Variants in NGLY1 observed in about 807,000 individuals in gnomAD.
NGLY1 encodes N-glycanase 1.
In NGLY1, 68 loss-of-function variants were observed where a neutral mutation model predicts 84.6. The observed-to-expected ratio is 0.80, with a 90% confidence interval of 0.66 to 0.98. NGLY1 has a LOEUF of 0.98. Among genes scored for constraint, NGLY1 ranks in the 50% least tolerant of loss-of-function variants. NGLY1 has a pLI of 0.00. For synonymous variants in NGLY1, 280 were observed against 275.2 expected (o/e 1.02, Z -0.17); for missense variants, 779 against 770.2 (o/e 1.01, Z -0.14).
rs145362063 is a variant in NGLY1 at position 25,789,998 on chromosome 3, C to T, written c.-133G>A. The T allele has an allele frequency of 2.9e-3, 3,341 of 1,146,200 alleles. 13 individuals carry two copies. The highest frequency in any genetic ancestry group is 0.016 in the Middle Eastern group (64 of 3,900). The allele number at this position is 1,146,200 out of a possible 1,614,324, so 71.0% of individuals were successfully genotyped here. On this transcript the variant is annotated 5_prime_UTR_variant, in exon 1 of 12. Coordinates refer to the NGLY1 transcript ENST00000417874. ...CCAAGGTGACGCGGCTTAAAGTCAACCGGCGGAAAGAGAGTCGAACGGGAC... is the reference window on the plus strand; with the variant it reads ...CCAAGGTGACGCGGCTTAAAGTCAATCGGCGGAAAGAGAGTCGAACGGGAC...
upstream of NGLY1, among the ~76,000 whole-genome samples, chr3:25,784,726 T>G (rs1158728353): frequency 6.6e-6 from 1 of 152,236 alleles, no homozygotes; most frequent in African/African-American, 2.4e-5. Context: ...TCCAGTTCAA[T>G]GACTATTCGT....
chr3:25,737,342 T>C lies in NGLY1; in HGVS notation c.995A>G (p.Asp332Gly), dbSNP rs1452611811. Residue 332 changes from aspartate (D) to glycine (G), a missense_variant, in exon 6 of 12, where the codon GAT becomes GGT. Transcript: ENST00000280700. ...AVGFEARYVW[D>G]YTDHVWTEVY... is the part of the protein sequence containing the mutation. ...CATTCCACATTCTGTACCTGTGTAA[T>C]CCCAAACATAGCGAGCTTCAAACCC... The C allele has an allele frequency of 2.5e-6, 4 of 1,611,408 alleles. No individual in the cohort carries two copies. The highest frequency in any genetic ancestry group is 3.4e-6 in the Non-Finnish European group (4 of 1,179,278).
intron 3 of NGLY1, among the ~76,000 whole-genome samples, chr3:25,763,846 T>C (rs1707428660): frequency 1.3e-5 from 2 of 152,158 alleles, no homozygotes; most frequent in African/African-American, 2.4e-5. Flanking sequence ...ACCCCCACAG[T>C]GAAAGGCAGC....
chr3:25,758,678 C>T (rs191308569), intron 3 of NGLY1, among the ~76,000 whole-genome samples: 1 of 152,222 alleles, frequency 6.6e-6, no homozygotes, highest in Admixed American at 6.5e-5. Flanking sequence ...CGTAGTAGTA[C>T]ATGTATATAA....
chr3:25,751,359 G>A, intron 3 of NGLY1, 96 bp from the exon 4 acceptor site: 3 of 1,038,472 alleles, frequency 2.9e-6, no homozygotes, highest in Non-Finnish European at 3.9e-6. Context: ...TTTACAGATA[G>A]AAGGGAATGT....
At chr3:25,779,540 G>C (rs1708315170) in intron 1 of NGLY1, among the ~76,000 whole-genome samples, 1 of 152,120 alleles carries the variant, frequency 6.6e-6, no homozygotes, top group Admixed American at 6.5e-5. Flanking sequence ...CTATGTTAAG[G>C]AGGATTCTGA....
chr3:25,753,990 T>C (rs1479854976), intron 3 of NGLY1, among the ~76,000 whole-genome samples: 3 of 152,156 alleles, frequency 2.0e-5, no homozygotes, highest in Non-Finnish European at 4.4e-5. Context: ...GAAAAGGTAT[T>C]CAACAAATAA....
At chr3:25,742,348 G>A (rs1005823982) in intron 4 of NGLY1, among the ~76,000 whole-genome samples, 1 of 152,142 alleles carries the variant, frequency 6.6e-6, no homozygotes, top group African/African-American at 2.4e-5. Flanking sequence ...ATAAATAATA[G>A]TGTATGTACA....
At chr3:25,742,841 T>C (rs368638294) in intron 4 of NGLY1, among the ~76,000 whole-genome samples, 4 of 132,452 alleles carry the variant, frequency 3.0e-5, no homozygotes, top group African/African-American at 1.2e-4. Flanking sequence ...AGGATATCCA[T>C]GTCCTAATCA....
chr3:25,731,117 G>T (rs1007604182), intron 9 of NGLY1, among the ~76,000 whole-genome samples: 1 of 151,934 alleles, frequency 6.6e-6, no homozygotes, highest in African/African-American at 2.4e-5. Flanking sequence ...TAATATAACA[G>T]TAATCATGCC....
chr3:25,783,003 C>T lies in NGLY1; in HGVS notation c.131+257G>A. 2.3e-6 allele frequency: 1 copy of T among 430,060 alleles called. No individual in the cohort carries two copies. Among genetic ancestry groups the T allele is most frequent in the South Asian group, 2.8e-5 (1 of 35,580 alleles). 26.6% of individuals were successfully genotyped at this position (430,060 alleles called of 1,614,324 possible). On this transcript the variant is annotated intron_variant, in intron 1 of 11. Coordinates refer to ENST00000280700, the MANE Select transcript of NGLY1 (RefSeq NM_018297.4). This position sits in a 1 kb window ranked among gnomAD's most constrained non-coding sequence, Gnocchi z 4.5. ...CCCCGCTTCCGGGACTCCAGTTCAC[C>T]CGCAGCACCCTGACTGCAGGTGCCA...
At chr3:25,724,977 C>A (rs950528842) in intron 10 of NGLY1, among the ~76,000 whole-genome samples, 1 of 152,170 alleles carries the variant, frequency 6.6e-6, no homozygotes, top group African/African-American at 2.4e-5. Context: ...ACTCTAATCT[C>A]CCCACAACTT....
intron 4 of NGLY1, among the ~76,000 whole-genome samples, chr3:25,748,899 G>GGTA (rs762326347): frequency 1.3e-5 from 2 of 150,144 alleles, no homozygotes; most frequent in African/African-American, 2.5e-5. Context: ...TGCGTATTCA[G>GGTA]GTAAAAAAAA....
rs192836682 is a variant in NGLY1, at chr3:25,733,161, C to G, written c.1261-678G>C. 4.2e-3 allele frequency among the ~76,000 whole-genome samples: 643 copies of G among 152,208 alleles called. 4 individuals are homozygous for G. Among genetic ancestry groups the G allele is most frequent in the African/African-American group, 0.014 (598 of 41,536 alleles). ...ATAATCCAGGTTTTCAGGTAGAGAT[C>G]TCCGAAGGGCTACACATCAGGAGTA... On this transcript the variant is annotated intron_variant, in intron 8 of 11. Transcript: ENST00000280700.
At chr3:25,733,164 C>T (rs999818062) in intron 8 of NGLY1, among the ~76,000 whole-genome samples, 4 of 151,980 alleles carry the variant, frequency 2.6e-5, no homozygotes, top group South Asian at 2.1e-4. Flanking sequence ...TAGAGATCTC[C>T]GAAGGGCTAC....
intron 7 of NGLY1, 74 bp downstream of exon 7, chr3:25,735,930 C>G: frequency 7.9e-7 from 1 of 1,266,440 alleles, no homozygotes; most frequent in Non-Finnish European, 1.1e-6. Flanking sequence ...GTTAATTATA[C>G]ATTCATGAAG....
chr3:25,719,840 A>G lies in NGLY1; in HGVS notation c.1789+174T>C, dbSNP rs78168695. On this transcript the variant is annotated intron_variant, in intron 11 of 11. Coordinates refer to ENST00000280700, the MANE Select transcript of NGLY1 (RefSeq NM_018297.4). ...GCATTTGTATTTCACAACAGAAAAC[A>G]TCAGCCTTTCTGTTACAATGGGATC... Among the ~76,000 whole-genome samples the G allele has an allele frequency of 4.1e-3, 630 of 152,076 alleles. 4 individuals are homozygous for G. The highest frequency in any genetic ancestry group is 0.015 in the African/African-American group (608 of 41,540).
chr3:25,757,405 C>T (rs1162718851), intron 3 of NGLY1, among the ~76,000 whole-genome samples: 4 of 152,232 alleles, frequency 2.6e-5, no homozygotes, highest in Non-Finnish European at 4.4e-5. Flanking sequence ...TAACACCTAC[C>T]CTGCCTACCT....
At position 25,754,830 on chromosome 3, in the gene NGLY1, T is replaced by A; in HGVS notation, c.493-3567A>T. 5.5e-6 allele frequency: 3 copies of A among 549,896 alleles called. No homozygotes were observed. The East Asian group carries it at 9.1e-5, about 17-fold the overall frequency. 34.1% of individuals were successfully genotyped at this position (549,896 alleles called of 1,614,324 possible). On this transcript the variant is annotated intron_variant, in intron 3 of 11. Coordinates refer to ENST00000280700, the MANE Select transcript of NGLY1 (RefSeq NM_018297.4). ...TGATACGAGCAACTGGGTCAGCACT[T>A]GAACCACTTGCAGCAGGAGAAAAAC... is the stretch of plus-strand genomic sequence containing the variant.
Sources: gnomAD v4.1 joint callset for allele counts (sites outside exome capture counted in the v4.1 genomes callset) on GRCh38, gnomAD v4.1.1 for gene constraint, Gnocchi (gnomAD v3.1) non-coding constraint, MANE v1.5 for transcripts, NCBI Gene and HGNC (gene_info 2026-07-23, HGNC 2026-07-21) for gene names.